The following AMMECR1 variants were observed in gnomAD, a reference collection of about 807,000 sequenced individuals.
AMMECR1 encodes AMMECR nuclear protein 1.
A neutral mutation model predicts 22.5 loss-of-function variants in AMMECR1; 3 were observed. The ratio of observed to expected loss-of-function variants is 0.13; its 90% CI spans 0.06 to 0.35. The LOEUF is 0.35. Ranked by LOEUF, AMMECR1 falls within the 10% of genes least tolerant of loss-of-function variation. The pLI, the probability that AMMECR1 is intolerant of heterozygous loss-of-function variation, is 1.00. For synonymous variants in AMMECR1, 130 were observed against 116.7 expected, an observed-to-expected ratio of 1.11 and a Z score of -0.74; for missense variants, 235 against 278.7, an observed-to-expected ratio of 0.84 and a Z score of 1.12.
intron 2 of AMMECR1, among the ~76,000 whole-genome samples, chrX:110,337,663 T>C (rs2068146341): frequency 9.0e-6 from 1 of 111,566 alleles, no homozygotes; most frequent in Non-Finnish European, 1.9e-5. Flanking sequence ...GTATGGCAGT[T>C]CCCAAAAAAA....
At chrX:110,288,071 GGA>G in intron 1 of AMMECR1, among the ~76,000 whole-genome samples, 1 of 112,035 alleles carries the variant, frequency 8.9e-6, no homozygotes. Flanking sequence ...GGGACACAAA[GGA>G]GAGACACTTA....
intron 2 of AMMECR1, among the ~76,000 whole-genome samples, chrX:110,357,845 C>G (rs1329023829): frequency 9.0e-6 from 1 of 111,381 alleles, no homozygotes; most frequent in African/African-American, 3.3e-5. Flanking sequence ...TGGATTTTTT[C>G]TCAAGGCAAG....
intron 2 of AMMECR1, among the ~76,000 whole-genome samples, chrX:110,334,444 A>G (rs980455871): frequency 8.9e-6 from 1 of 112,089 alleles, no homozygotes; most frequent in African/African-American, 3.2e-5. Flanking sequence ...GGCACAAATG[A>G]GTATATTTTA....
chrX:110,420,118 C>T (rs769318316), intron 2 of AMMECR1, among the ~76,000 whole-genome samples: 1 of 111,656 alleles, frequency 9.0e-6, no homozygotes, highest in South Asian at 3.8e-4. Flanking sequence ...CAGCCCCCAC[C>T]TCATGTTACC....
intron 2 of AMMECR1, among the ~76,000 whole-genome samples, chrX:110,247,934 G>A (rs765186235): frequency 2.9e-4 from 32 of 112,166 alleles, no homozygotes; most frequent in Non-Finnish European, 5.6e-4. Context: ...AGAAGATAAT[G>A]AATGATGCCT....
intron 1 of AMMECR1, among the ~76,000 whole-genome samples, chrX:110,303,544 T>C (rs1489388430): frequency 8.9e-6 from 1 of 112,167 alleles, no homozygotes; most frequent in Non-Finnish European, 1.9e-5. Flanking sequence ...AACCACTGGA[T>C]TCCATTTGGC....
Position 110,198,634 on chromosome X carries a change from C to T in AMMECR1, c.888G>A (p.Arg296=). The T allele has an allele frequency of 1.7e-6, 2 of 1,175,725 alleles. No individual in the cohort carries two copies. Among genetic ancestry groups the T allele is most frequent in the Non-Finnish European group, 2.3e-6 (2 of 864,992 alleles). The stretch of plus-strand genomic sequence containing the variant: ...TCAGGGTCATCTTTTCACTACGATA[C>T]CTGAAAGAAAGTCAGGGAAGAGAAA... ...NEFRKTIKLT[R]YRSEKMTLSY... The change falls in exon 6 of 6, where the codon AGG becomes AGA. Residue 296 remains arginine, a splice_region_variant and synonymous_variant. Coordinates refer to ENST00000262844, the MANE Select transcript of AMMECR1 (RefSeq NM_015365.3).
At chrX:110,266,572 G>A (rs911663431) in intron 1 of AMMECR1, among the ~76,000 whole-genome samples, 2 of 110,020 alleles carry the variant, frequency 1.8e-5, no homozygotes, top group African/African-American at 3.3e-5. Flanking sequence ...TAGTAGAGAC[G>A]GGGTTTCACC....
rs781342034 is a variant in AMMECR1, at chrX:110,274,862, T to G, written c.474-10263A>C. 2.7e-5 allele frequency among the ~76,000 whole-genome samples: 3 copies of G among 111,996 alleles called. 1 individual carries two copies. Among genetic ancestry groups the G allele is most frequent in the African/African-American group, 9.7e-5 (3 of 30,858 alleles). On this transcript the variant is annotated intron_variant, in intron 1 of 5. Transcript: ENST00000262844. ...ATTTAATTTTATCACCATTATTAGC[T>G]TATTAGTTATGCCCTTTTTAGTAAT...
chrX:110,200,563 T>G (rs2067392057), intron 5 of AMMECR1, among the ~76,000 whole-genome samples: 1 of 112,433 alleles, frequency 8.9e-6, no homozygotes, highest in Admixed American at 9.4e-5. Flanking sequence ...CTTGGTAGAC[T>G]TCTATCACTG....
At chrX:110,267,387 CT>C (rs1469861460) in intron 1 of AMMECR1, among the ~76,000 whole-genome samples, 3 of 106,522 alleles carry the variant, frequency 2.8e-5, no homozygotes, top group African/African-American at 1.0e-4. Flanking sequence ...CCTGTCTCTT[CT>C]TTTTTTTTAA....
chrX:110,284,913 A>G (rs1476179593), intron 1 of AMMECR1, among the ~76,000 whole-genome samples: 3 of 111,986 alleles, frequency 2.7e-5, no homozygotes, highest in African/African-American at 9.7e-5. Context: ...CGTGAAAGCC[A>G]TATGAGCTCT....
intron 2 of AMMECR1, among the ~76,000 whole-genome samples, chrX:110,325,944 G>A (rs898978859): frequency 1.7e-4 from 19 of 111,259 alleles, no homozygotes; most frequent in African/African-American, 2.9e-4. Context: ...GCTGCATTCC[G>A]TAAGTTTCTT....
At chrX:110,437,704 A>T (rs1287401938) in intron 1 of AMMECR1, among the ~76,000 whole-genome samples, 1 of 111,774 alleles carries the variant, frequency 8.9e-6, no homozygotes, top group Non-Finnish European at 1.9e-5. Flanking sequence ...TATCAGAGGA[A>T]GCAAAGGGTG....
intron 1 of AMMECR1, among the ~76,000 whole-genome samples, chrX:110,268,694 T>A (rs1255291349): frequency 8.9e-6 from 1 of 111,857 alleles, no homozygotes; most frequent in Non-Finnish European, 1.9e-5. Context: ...CAATTTCATT[T>A]TTAAATGTGC....
intron 2 of AMMECR1, among the ~76,000 whole-genome samples, chrX:110,369,507 C>A (rs1011469598): frequency 9.0e-6 from 1 of 111,121 alleles, no homozygotes. Flanking sequence ...TTATTCCAAG[C>A]CACCCACATT....
rs372750487 is a variant in AMMECR1 at position 110,222,625 on chromosome X, A to G, written c.585-5993T>C. Among the ~76,000 whole-genome samples, 11 of 110,375 alleles carry G rather than the reference A, an allele frequency of 1.0e-4. No homozygotes were observed. The East Asian group carries it at 3.1e-3, about 31-fold the overall frequency. ...AAACCATATTATCCAATTCTGGAAA[A>G]AAAAAAAAGAAAGAAAAAGGAAAAA... On this transcript the variant is annotated intron_variant, in intron 2 of 5. Coordinates refer to ENST00000262844, the MANE Select transcript of AMMECR1 (RefSeq NM_015365.3).
At chrX:110,323,412 T>C (rs1032444438) in intron 2 of AMMECR1, among the ~76,000 whole-genome samples, 2 of 112,227 alleles carry the variant, frequency 1.8e-5, no homozygotes, top group Non-Finnish European at 3.8e-5. Context: ...CATTCCTTCC[T>C]ATTCCTCTTC....
At chrX:110,431,194 G>A (rs2068793478) in intron 1 of AMMECR1, among the ~76,000 whole-genome samples, 1 of 111,884 alleles carries the variant, frequency 8.9e-6, no homozygotes, top group Admixed American at 9.4e-5. Flanking sequence ...CTCTAACACT[G>A]CTTTGGTGGA....
Sources: gnomAD v4.1 joint callset for allele counts (sites outside exome capture counted in the v4.1 genomes callset) on GRCh38, gnomAD v4.1.1 for gene constraint, MANE v1.5 for transcripts, NCBI Gene and HGNC (gene_info 2026-07-23, HGNC 2026-07-21) for gene names.